SUMF2: variants seen among roughly 807,000 people sequenced by gnomAD.
The protein encoded by SUMF2 is sulfatase modifying factor 2, also known as inactive C-alpha-formylglycine-generating enzyme 2.
A neutral mutation model predicts 44.8 loss-of-function variants in SUMF2; 45 were observed. The observed-to-expected ratio is 1.00, with a 90% CI of 0.79 to 1.29. The LOEUF is 1.29. SUMF2 is among the 50% of genes most tolerant of loss of function. The pLI is 0.00. For missense variants in SUMF2, 418 were observed against 389.9 expected (o/e 1.07, Z -0.61); for synonymous variants, 148 against 150.4 (o/e 0.98, Z 0.12).
chr7:56,084,981 G>T (rs892889541), downstream of SUMF2, among the ~76,000 whole-genome samples: 1 of 152,114 alleles, frequency 6.6e-6, no homozygotes, highest in Non-Finnish European at 1.5e-5. Flanking sequence ...GGAGGGGTCC[G>T]AGAAAGTCTT....
At chr7:56,064,510 C>T (rs1391547179) in intron 1 of SUMF2, 132 bp downstream of exon 1, 3 of 1,309,578 alleles carry the variant, frequency 2.3e-6, no homozygotes. Context: ...GGAGGTAGCT[C>T]TCGGTGCGCG....
At chr7:56,084,565 C>T (rs749946094), downstream of SUMF2, among the ~76,000 whole-genome samples, 2 of 151,734 alleles carry the variant, frequency 1.3e-5, no homozygotes, top group Non-Finnish European at 2.9e-5. Context: ...GTAGAGACAG[C>T]GTTTCATCAT....
At chr7:56,067,558 A>C (rs1386302738) in intron 1 of SUMF2, among the ~76,000 whole-genome samples, 1 of 152,130 alleles carries the variant, frequency 6.6e-6, no homozygotes, top group East Asian at 1.9e-4. Flanking sequence ...TTTATTAATA[A>C]GCTATGGTCG....
chr7:56,079,891 A>C lies in SUMF2; in HGVS notation c.*279A>C, dbSNP rs969501878. 1.3e-6 allele frequency: 2 copies of C among 1,525,290 alleles called. No individual in the cohort carries two copies. Among genetic ancestry groups the C allele is most frequent in the African/African-American group, 2.8e-5 (2 of 72,122 alleles). The allele number at this position is 1,525,290 out of a possible 1,614,324, so 94.5% of individuals were successfully genotyped here. A position where few individuals can be genotyped will look rare whatever the true frequency, so the allele number is the denominator to read the frequency against. ...TATTGACACAGGATTGCAAACACAC[A>C]AACAATTGGAACAGAGCACTCTGAA... On this transcript the variant is annotated 3_prime_UTR_variant, in exon 9 of 9. Coordinates refer to ENST00000434526, the MANE Select transcript of SUMF2 (RefSeq NM_015411.4).
chr7:56,074,545 T>G (rs1189427683), intron 4 of SUMF2, 41 bp from the exon 5 acceptor site: 2 of 1,606,640 alleles, frequency 1.2e-6, no homozygotes, highest in Non-Finnish European at 1.7e-6. Context: ...TCCGACTTAA[T>G]GCGCTCCCGG....
At chr7:56,074,103 C>T (rs1161310157) in intron 3 of SUMF2, 71 bp from the exon 4 acceptor site, 2 of 1,405,964 alleles carry the variant, frequency 1.4e-6, no homozygotes, top group South Asian at 2.3e-5. Context: ...GTTCTGCGTC[C>T]TGTGGCTCAG....
chr7:56,077,432 C>T (rs1246502954), intron 6 of SUMF2, among the ~76,000 whole-genome samples: 2 of 149,572 alleles, frequency 1.3e-5, no homozygotes, highest in African/African-American at 2.4e-5. Flanking sequence ...GAGGCCGAGG[C>T]GGGTGGATCA....
At chr7:56,084,476 C>G (rs1333319895), downstream of SUMF2, among the ~76,000 whole-genome samples, 2 of 150,646 alleles carry the variant, frequency 1.3e-5, no homozygotes, top group East Asian at 3.9e-4. Context: ...CAGGTTCAAG[C>G]AATTCTCCTA....
downstream of SUMF2, chr7:56,083,091 G>A (rs1170231321): frequency 1.6e-5 from 9 of 557,234 alleles, no homozygotes; most frequent in Non-Finnish European, 2.8e-5. Context: ...GGGCGACAGA[G>A]TGAGACTCCA....
In SUMF2 at chr7:56,069,209, A is replaced by G. The variant is rs112505100; in HGVS notation, c.224+571A>G. Among the ~76,000 whole-genome samples, 7 of 152,272 alleles carry G rather than the reference A, an allele frequency of 4.6e-5. 1 individual carries two copies. Among genetic ancestry groups the G allele is most frequent in the African/African-American group, 1.7e-4 (7 of 41,574 alleles). ...CAGTGCATTTTCCATTACACTGGGC[A>G]TAGCACTGAGAAATATAAGCAAACG... On this transcript the variant is annotated intron_variant, in intron 2 of 8. Coordinates refer to ENST00000434526, the MANE Select transcript of SUMF2 (RefSeq NM_015411.4).
intron 1 of SUMF2, among the ~76,000 whole-genome samples, chr7:56,065,119 G>A (rs577880121): frequency 1.3e-5 from 2 of 150,374 alleles, no homozygotes; most frequent in South Asian, 2.1e-4. Context: ...GTGAACCCCG[G>A]GGGGTGGAGC....
chr7:56,079,411 C>T, intron 8 of SUMF2, 117 bp from the exon 9 acceptor site: 1 of 1,049,794 alleles, frequency 9.5e-7, no homozygotes, highest in Non-Finnish European at 1.4e-6. Context: ...CCATGCTCTC[C>T]CCAGCCCTCA....
At chr7:56,082,317 C>G, downstream of SUMF2, 1 of 1,277,092 alleles carries the variant, frequency 7.8e-7, no homozygotes, top group Non-Finnish European at 1.1e-6. Context: ...TCCAGGCTGG[C>G]CGCAGTGGCT....
At chr7:56,074,465 GCT>G in intron 4 of SUMF2, 119 bp from the exon 5 acceptor site, 1 of 1,341,082 alleles carries the variant, frequency 7.5e-7, no homozygotes, top group Non-Finnish European at 1.0e-6. Context: ...CACTCACCCG[GCT>G]CTCTTCCAGC....
rs1282412265 is a variant in SUMF2, at chr7:56,080,024, C to T, written c.*412C>T. On this transcript the variant is annotated 3_prime_UTR_variant, in exon 9 of 9. Coordinates refer to ENST00000434526, the MANE Select transcript of SUMF2 (RefSeq NM_015411.4). ...GGCAGAATTTTCCTGGTTCTGTTTTCTCAGCCAGTTGCTGTGGAAGGAGAA... is the reference window on the plus strand; with the variant it reads ...GGCAGAATTTTCCTGGTTCTGTTTTTTCAGCCAGTTGCTGTGGAAGGAGAA... 8 of 744,448 alleles carry T rather than the reference C, an allele frequency of 1.1e-5. No homozygotes were observed. The highest frequency in any genetic ancestry group is 1.7e-5 in the Non-Finnish European group (8 of 465,382). The allele number at this position is 744,448 out of a possible 1,614,324, so 46.1% of individuals were successfully genotyped here.
intron 3 of SUMF2, chr7:56,073,852 GAAAAA>G: frequency 3.1e-6 from 1 of 323,802 alleles, no homozygotes; most frequent in East Asian, 6.5e-5. Context: ...ACAAAAAAAA[GAAAAA>G]AAAGAAAATT....
intron 2 of SUMF2, among the ~76,000 whole-genome samples, chr7:56,071,917 C>G (rs896095819): frequency 2.0e-5 from 3 of 151,850 alleles, no homozygotes; most frequent in African/African-American, 7.3e-5. Context: ...TGAGACCAGC[C>G]TGGCCAACAT....
intron 1 of SUMF2, 47 bp downstream of exon 1, chr7:56,064,425 G>A: frequency 6.4e-7 from 1 of 1,569,132 alleles, no homozygotes; most frequent in Non-Finnish European, 8.6e-7. Flanking sequence ...AAGGGGATGG[G>A]GCGCTCCGCC....
At chr7:56,075,948 C>T (rs1312315162) in intron 5 of SUMF2, among the ~76,000 whole-genome samples, 4 of 152,044 alleles carry the variant, frequency 2.6e-5, no homozygotes, top group Non-Finnish European at 5.9e-5. Flanking sequence ...CTGCAACCTC[C>T]GCCTCCCGGG....
Sources: allele counts gnomAD v4.1 joint callset (sites outside exome capture counted in the v4.1 genomes callset), GRCh38; gene constraint gnomAD v4.1.1; transcripts MANE v1.5; gene names NCBI Gene and HGNC (gene_info 2026-07-23, HGNC 2026-07-21).